The following VAV2 variants were observed in gnomAD, a reference collection of about 807,000 sequenced individuals.
The protein encoded by VAV2 is guanine nucleotide exchange factor VAV2.
Under a neutral mutation model 132.5 loss-of-function variants are expected in VAV2, and 67 were observed. The observed-to-expected ratio is 0.51, with a 90% CI of 0.42 to 0.62. VAV2 has a LOEUF of 0.62. VAV2 is among the 20% of genes least tolerant of loss of function. The pLI is 0.00. For synonymous variants in VAV2, 492 were observed against 443.5 expected (o/e 1.11, Z -1.37); for missense variants, 938 against 1,153.6 (o/e 0.81, Z 2.71).
chr9:133,937,424 CTGTG>C (rs374257075), intron 2 of VAV2, among the ~76,000 whole-genome samples: 3 of 149,488 alleles, frequency 2.0e-5, no homozygotes, highest in Non-Finnish European at 1.5e-5. Flanking sequence ...GACTGTATGT[CTGTG>C]TGTGTGTGTA....
At position 133,809,026 on chromosome 9, in the gene VAV2, C is replaced by T. The variant is rs980355286; in HGVS notation, c.666+14G>A. The T allele has an allele frequency of 1.2e-6, 2 of 1,611,100 alleles. No homozygotes were observed. The highest frequency in any genetic ancestry group is 8.5e-7 in the Non-Finnish European group (1 of 1,177,848). On this transcript the variant is annotated intron_variant, in intron 7 of 29. Coordinates refer to ENST00000371850, the MANE Select transcript of VAV2 (RefSeq NM_001134398.2). ...GGCCGCTGCCATTTTCCAGTGGCCG[C>T]CATCTGCCCTCACCTTCTCAATGTC...
At chr9:133,774,100 A>G (rs564613800) in intron 25 of VAV2, among the ~76,000 whole-genome samples, 3 of 152,218 alleles carry the variant, frequency 2.0e-5, no homozygotes, top group Non-Finnish European at 4.4e-5. Context: ...ACTCCACACC[A>G]CAACCCAGTG....
chr9:133,813,626 C>T (rs1190599278), intron 4 of VAV2, among the ~76,000 whole-genome samples: 8 of 152,248 alleles, frequency 5.3e-5, no homozygotes. Flanking sequence ...AGCCCAGCTC[C>T]TGCCTTGTGG....
intron 1 of VAV2, among the ~76,000 whole-genome samples, chr9:133,945,318 C>T (rs749822430): frequency 4.0e-4 from 61 of 152,202 alleles, no homozygotes; most frequent in Non-Finnish European, 8.2e-4. Flanking sequence ...TGTAGGAGCC[C>T]GGCCTTTGGG....
chr9:133,966,301 C>T (rs779044689), intron 1 of VAV2, among the ~76,000 whole-genome samples: 5 of 152,332 alleles, frequency 3.3e-5, no homozygotes, highest in Admixed American at 6.5e-5. Flanking sequence ...TCAAGCTAAA[C>T]GCCTCCACAC....
In VAV2 at chr9:133,823,780, T is replaced by G. The variant is rs551308034; in HGVS notation, c.449+10492A>C. Among the ~76,000 whole-genome samples, 583 of 152,314 alleles carry G rather than the reference T, an allele frequency of 3.8e-3. 4 individuals are homozygous for G. Among genetic ancestry groups the G allele is most frequent in the African/African-American group, 0.013 (560 of 41,570 alleles). ...GCATTAAATGAGACCAGAGAGTTGC[T>G]GTGACCGAATCAGTCCTGAAAGCAC... On this transcript the variant is annotated intron_variant, in intron 4 of 29. Coordinates refer to ENST00000371850, the MANE Select transcript of VAV2 (RefSeq NM_001134398.2). This position sits in a 1 kb window ranked among gnomAD's most constrained non-coding sequence, Gnocchi z 5.5.
At position 133,812,216 on chromosome 9, in the gene VAV2, G is replaced by C; in HGVS notation, c.450C>G (p.Asp150Glu). 6.2e-7 allele frequency: 1 copy of C among 1,613,598 alleles called. No individual in the cohort carries two copies. Among genetic ancestry groups the C allele is most frequent in the Non-Finnish European group, 8.5e-7 (1 of 1,179,944 alleles). Residue 150 changes from aspartate to glutamate, a missense_variant and splice_region_variant, in exon 5 of 30, where the codon GAC (aspartate) becomes GAG (glutamate). Transcript: ENST00000371850. ...AGATGTCCTCCCCCAGGTCATGCTC[G>C]CTGCACAGGAGGAGGCGGGTTAGAG... The part of the protein sequence containing the change: ...DVYRSLEELA[D>E]EHDLGEDIYD...
intron 5 of VAV2, among the ~76,000 whole-genome samples, chr9:133,811,880 G>A (rs771811439): frequency 1.8e-3 from 277 of 152,326 alleles, no homozygotes; most frequent in Middle Eastern, 3.4e-3. Flanking sequence ...CCATAGAGAG[G>A]AAGGGCACAG....
chr9:133,803,213 T>TG (rs1320203568), intron 9 of VAV2, among the ~76,000 whole-genome samples: 1 of 152,124 alleles, frequency 6.6e-6, no homozygotes, highest in Non-Finnish European at 1.5e-5. Flanking sequence ...CACCCAGCCC[T>TG]GGGGGAGGAG....
At chr9:133,873,208 A>T (rs1564424735) in intron 2 of VAV2, among the ~76,000 whole-genome samples, 1 of 152,126 alleles carries the variant, frequency 6.6e-6, no homozygotes, top group African/African-American at 2.4e-5. Context: ...ATGTGAGGGA[A>T]GCTGCAATTT....
At chr9:133,956,631 G>A (rs2132205412) in intron 1 of VAV2, among the ~76,000 whole-genome samples, 2 of 152,358 alleles carry the variant, frequency 1.3e-5, no homozygotes, top group South Asian at 2.1e-4. Flanking sequence ...GATCAACTGA[G>A]AAGCTGTACT....
At chr9:133,924,122 TA>T (rs1840389137) in intron 2 of VAV2, among the ~76,000 whole-genome samples, 1 of 152,200 alleles carries the variant, frequency 6.6e-6, no homozygotes, top group Admixed American at 6.5e-5. Flanking sequence ...ACATGTACCC[TA>T]AAACTTAAAG....
chr9:133,796,546 G>A (rs768747729), intron 10 of VAV2, 22 bp from the exon 11 acceptor site: 6 of 1,605,148 alleles, frequency 3.7e-6, no homozygotes, highest in East Asian at 4.5e-5. Flanking sequence ...ACAGGGCGAT[G>A]GGAGAGCCCT....
At position 133,913,562 on chromosome 9, in the gene VAV2, G is replaced by T. The variant is rs140228737; in HGVS notation, c.321+25541C>A. ...ATCTGCCCTTGGTAAAAAACCAAAG[G>T]CAGAGCCTGCGCACATGGTCCCAGG... On this transcript the variant is annotated intron_variant, in intron 2 of 29. Transcript: ENST00000371850. Among the ~76,000 whole-genome samples the T allele has an allele frequency of 2.6e-4, 39 of 152,348 alleles. No individual in the cohort carries two copies. In the East Asian group the frequency reaches 6.8e-3, roughly 26 times the overall value.
At chr9:133,766,771 T>TATATATATATTTGGG (rs1184597574) in intron 29 of VAV2, among the ~76,000 whole-genome samples, 2 of 144,178 alleles carry the variant, frequency 1.4e-5, no homozygotes, top group Non-Finnish European at 3.0e-5. Flanking sequence ...TATATATATA[T>TATATATATATTTGGG]ATATATATAT....
In VAV2 at chr9:133,857,421, T is replaced by C. The variant is rs1057330732; in HGVS notation, c.380+3953A>G. On this transcript the variant is annotated intron_variant, in intron 3 of 29. Transcript: ENST00000371850. The surrounding 1 kb of genome is among the most constrained non-coding windows in gnomAD (Gnocchi z 4.0). Reference sequence around the variant, plus strand: ...CTGAGAAGTATAATTGGGGCTTTTATGGAAAATCAGCTCATTATGCAAAGT... The same window carrying C: ...CTGAGAAGTATAATTGGGGCTTTTACGGAAAATCAGCTCATTATGCAAAGT... Among the ~76,000 whole-genome samples, 1 of 152,206 alleles carries C rather than the reference T, an allele frequency of 6.6e-6. No homozygotes were observed. The highest frequency in any genetic ancestry group is 2.4e-5 in the African/African-American group (1 of 41,450).
chr9:133,823,123 T>C lies in VAV2; in HGVS notation c.450-10907A>G, dbSNP rs1835859050. On this transcript the variant is annotated intron_variant, in intron 4 of 29. Coordinates refer to ENST00000371850, the MANE Select transcript of VAV2 (RefSeq NM_001134398.2). The surrounding 1 kb of genome is among the most constrained non-coding windows in gnomAD (Gnocchi z 5.5). The stretch of plus-strand genomic sequence containing the variant: ...GGGAATCGTGAATGCTCTCGGGACC[T>C]CATTATCCCCAGCCCTTCCTCCTAC... Among the ~76,000 whole-genome samples the C allele has an allele frequency of 6.6e-6, 1 of 152,236 alleles. No homozygotes were observed. The highest frequency in any genetic ancestry group is 2.1e-4 in the South Asian group (1 of 4,832).
chr9:133,817,418 C>T (rs756924087), intron 4 of VAV2, among the ~76,000 whole-genome samples: 1 of 152,098 alleles, frequency 6.6e-6, no homozygotes, highest in African/African-American at 2.4e-5. Context: ...TTTGGGAGGC[C>T]GAGGTGGGTG....
chr9:133,817,837 T>C (rs1031300193), intron 4 of VAV2, among the ~76,000 whole-genome samples: 6 of 152,264 alleles, frequency 3.9e-5, no homozygotes, highest in African/African-American at 1.4e-4. Context: ...TGTCGTACGT[T>C]TTCCTCTAAG....
Sources: allele counts gnomAD v4.1 joint callset (sites outside exome capture counted in the v4.1 genomes callset), GRCh38; gene constraint gnomAD v4.1.1; non-coding constraint Gnocchi (gnomAD v3.1); transcripts MANE v1.5; gene names NCBI Gene and HGNC (gene_info 2026-07-23, HGNC 2026-07-21).